Variants in TYW1B observed in about 807,000 individuals in gnomAD.
The protein encoded by TYW1B is tRNA-yW synthesizing protein 1 homolog B.
Under a neutral mutation model 86.9 loss-of-function variants are expected in TYW1B, and 73 were observed. The ratio of observed to expected loss-of-function variants is 0.84; its 90% confidence interval spans 0.70 to 1.02. TYW1B has a LOEUF of 1.02. Ranked by LOEUF, TYW1B falls within the 50% of genes least tolerant of loss-of-function variation. TYW1B has a pLI of 0.00. For missense variants in TYW1B, 637 were observed against 827.4 expected (o/e 0.77, Z 2.82); for synonymous variants, 248 against 292.8 (o/e 0.85, Z 1.56).
At chr7:72,593,737 G>A (rs1378941665) in intron 13 of TYW1B, among the ~76,000 whole-genome samples, 3 of 147,864 alleles carry the variant, frequency 2.0e-5, no homozygotes, top group African/African-American at 7.6e-5. Context: ...CAGGAGAATG[G>A]CGTGAACCCG....
intron 10 of TYW1B, among the ~76,000 whole-genome samples, chr7:72,700,276 C>G (rs1814434004): frequency 1.4e-5 from 2 of 140,566 alleles, no homozygotes; most frequent in South Asian, 2.3e-4. Flanking sequence ...CCAGGTTCAA[C>G]CGATTCTCCT....
intron 7 of TYW1B, among the ~76,000 whole-genome samples, chr7:72,764,686 G>T (rs1787743349): frequency 6.6e-6 from 1 of 152,146 alleles, no homozygotes. Flanking sequence ...GCATAAAACT[G>T]TTAATGGCCA....
At chr7:72,787,897 G>A (rs1192038135) in intron 6 of TYW1B, among the ~76,000 whole-genome samples, 1 of 152,170 alleles carries the variant, frequency 6.6e-6, no homozygotes, top group Non-Finnish European at 1.5e-5. Context: ...ATTAAAGCTA[G>A]GGAAGGTTAA....
At chr7:72,619,589 C>G (rs1265578346) in intron 12 of TYW1B, among the ~76,000 whole-genome samples, 2 of 144,968 alleles carry the variant, frequency 1.4e-5, no homozygotes, top group Non-Finnish European at 3.0e-5. Flanking sequence ...TGCAGTGAGC[C>G]GAGATTGCGC....
intron 8 of TYW1B, among the ~76,000 whole-genome samples, chr7:72,732,004 T>C (rs1787122085): frequency 6.6e-6 from 1 of 152,076 alleles, no homozygotes; most frequent in Non-Finnish European, 1.5e-5. Flanking sequence ...TAAGATAAAA[T>C]AGACTTTAAG....
At chr7:72,721,621 CAT>C (rs1491048465) in intron 9 of TYW1B, among the ~76,000 whole-genome samples, 2 of 151,674 alleles carry the variant, frequency 1.3e-5, no homozygotes, top group African/African-American at 2.4e-5. Flanking sequence ...CACACACACA[CAT>C]GCACACACAC....
At chr7:72,585,671 A>AG (rs1193519989) in intron 13 of TYW1B, among the ~76,000 whole-genome samples, 3 of 152,142 alleles carry the variant, frequency 2.0e-5, no homozygotes, top group Non-Finnish European at 2.9e-5. Context: ...GGTTTTACGA[A>AG]GGGGGGTTTC....
chr7:72,614,879 C>T (rs115259687), intron 13 of TYW1B, among the ~76,000 whole-genome samples: 1,902 of 152,270 alleles, frequency 0.012, 41 homozygotes, highest in African/African-American at 0.041. Flanking sequence ...CCTCGGCTAG[C>T]AATATACCCA....
intron 13 of TYW1B, among the ~76,000 whole-genome samples, chr7:72,593,003 C>G (rs1464829883): frequency 6.6e-6 from 1 of 152,026 alleles, no homozygotes; most frequent in African/African-American, 2.4e-5. Flanking sequence ...GAAAGATAAG[C>G]AAGAAAATAA....
At chr7:72,696,300 T>C (rs1210672039) in intron 10 of TYW1B, among the ~76,000 whole-genome samples, 2 of 152,176 alleles carry the variant, frequency 1.3e-5, no homozygotes, top group African/African-American at 4.8e-5. Context: ...ATAGGTCTCA[T>C]AATTCAATCT....
At chr7:72,654,090 A>G (rs1265174607) in intron 11 of TYW1B, among the ~76,000 whole-genome samples, 1 of 151,454 alleles carries the variant, frequency 6.6e-6, no homozygotes, top group Non-Finnish European at 1.5e-5. Flanking sequence ...AAAAAAGAAA[A>G]AAAAAAAAAA....
At chr7:72,693,690 T>C (rs1327675312) in intron 11 of TYW1B, among the ~76,000 whole-genome samples, 6 of 152,086 alleles carry the variant, frequency 3.9e-5, no homozygotes, top group Non-Finnish European at 8.8e-5. Flanking sequence ...CTACCACACC[T>C]GGCCTGCAGA....
At chr7:72,604,522 G>GC (rs1811750900) in intron 13 of TYW1B, among the ~76,000 whole-genome samples, 1 of 152,084 alleles carries the variant, frequency 6.6e-6, no homozygotes, top group Admixed American at 6.6e-5. Context: ...ACACTGCTAT[G>GC]TGGATTCCGC....
chr7:72,727,960 C>T (rs1183671326), intron 9 of TYW1B, among the ~76,000 whole-genome samples: 1 of 152,070 alleles, frequency 6.6e-6, no homozygotes, highest in Non-Finnish European at 1.5e-5. Context: ...GAACCCGTAA[C>T]CTCCAGTGAA....
At chr7:72,807,474 A>G (rs1788521147) in intron 4 of TYW1B, 118 bp from the exon 5 acceptor site, 10 of 1,364,990 alleles carry the variant, frequency 7.3e-6, no homozygotes, top group Non-Finnish European at 9.8e-6. Context: ...CCACTAAGAA[A>G]GAGGAAATTG....
chr7:72,794,088 G>A (rs565107178), intron 6 of TYW1B, among the ~76,000 whole-genome samples: 45 of 152,272 alleles, frequency 3.0e-4, no homozygotes, highest in African/African-American at 9.6e-4. Flanking sequence ...TGCTAGGTAG[G>A]AATTGGCCTG....
intron 13 of TYW1B, among the ~76,000 whole-genome samples, chr7:72,608,778 G>C (rs1396171782): frequency 2.0e-5 from 3 of 152,166 alleles, no homozygotes; most frequent in Non-Finnish European, 4.4e-5. Context: ...TATCCTTCTT[G>C]CAATGAGAAA....
intron 2 of TYW1B, among the ~76,000 whole-genome samples, chr7:72,824,108 C>A (rs1788882722): frequency 6.6e-6 from 1 of 151,928 alleles, no homozygotes. Flanking sequence ...TTTAACTTAA[C>A]AACTGACCTT....
chr7:72,769,052 A>G (rs1329002462), intron 7 of TYW1B: 1 of 366,114 alleles, frequency 2.7e-6, no homozygotes, highest in East Asian at 7.3e-5. Flanking sequence ...CTCATAATTT[A>G]TGGGATGGTG....
Sources: gnomAD v4.1 joint callset for allele counts (sites outside exome capture counted in the v4.1 genomes callset) on GRCh38, gnomAD v4.1.1 for gene constraint, MANE v1.5 for transcripts, NCBI Gene and HGNC (gene_info 2026-07-23, HGNC 2026-07-21) for gene names.